RAPGEF4: variants seen among roughly 807,000 people sequenced by gnomAD.
The protein encoded by RAPGEF4 is Rap guanine nucleotide exchange factor 4, also known as RAP guanine-nucleotide-exchange factor (GEF) 4.
A neutral mutation model predicts 147.9 loss-of-function variants in RAPGEF4; 66 were observed. That is an observed-to-expected ratio of 0.45 (90% confidence interval 0.37 to 0.55). The LOEUF (loss-of-function observed/expected upper bound fraction) is 0.55. Ranked by LOEUF, RAPGEF4 falls within the 20% of genes least tolerant of loss-of-function variation. The probability of loss-of-function intolerance (pLI) is 0.00; values close to 1 mark genes in which losing one functional copy is unlikely to be tolerated. For synonymous variants in RAPGEF4, 419 were observed against 442.7 expected, an observed-to-expected ratio of 0.95 and a Z score of 0.67; for missense variants, 1,071 against 1,257.3, an observed-to-expected ratio of 0.85 and a Z score of 2.24.
chr2:173,038,739 C>CATAAA (rs199957774), intron 29 of RAPGEF4, among the ~76,000 whole-genome samples: 8 of 152,002 alleles, frequency 5.3e-5, no homozygotes, highest in East Asian at 3.9e-4. Flanking sequence ...TATCCTGGAA[C>CATAAA]ATAAAATAAA....
chr2:172,941,509 A>T (rs565495003), intron 6 of RAPGEF4, among the ~76,000 whole-genome samples: 1 of 152,228 alleles, frequency 6.6e-6, no homozygotes, highest in Non-Finnish European at 1.5e-5. Flanking sequence ...AGCATAATCC[A>T]TGGAAAGTTC....
intron 29 of RAPGEF4, among the ~76,000 whole-genome samples, chr2:173,040,780 T>C (rs1163676059): frequency 2.0e-5 from 3 of 152,166 alleles, no homozygotes; most frequent in Non-Finnish European, 2.9e-5. Context: ...ACCCTAATCC[T>C]GATGCCAAAA....
intron 4 of RAPGEF4, among the ~76,000 whole-genome samples, chr2:172,860,827 G>A (rs1436310864): frequency 6.6e-6 from 1 of 152,040 alleles, no homozygotes; most frequent in Admixed American, 6.6e-5. Context: ...ATCATAAAGG[G>A]TGTTTTCTAT....
intron 4 of RAPGEF4, among the ~76,000 whole-genome samples, chr2:172,907,932 G>C (rs1018354610): frequency 6.6e-6 from 1 of 152,190 alleles, no homozygotes; most frequent in African/African-American, 2.4e-5. Context: ...AGATGGTGCT[G>C]TTATCCCAGT....
At chr2:172,887,916 C>T (rs1317867394) in intron 4 of RAPGEF4, among the ~76,000 whole-genome samples, 1 of 152,064 alleles carries the variant, frequency 6.6e-6, no homozygotes, top group South Asian at 2.1e-4. Flanking sequence ...TTTTCCTCTT[C>T]TAGGCTCCCA....
intron 27 of RAPGEF4, among the ~76,000 whole-genome samples, chr2:173,035,091 G>A (rs1333466374): frequency 2.0e-5 from 3 of 151,720 alleles, no homozygotes; most frequent in Non-Finnish European, 2.9e-5. Context: ...GTCTCACTCT[G>A]TCACCAAGGC....
chr2:172,843,722 A>AT (rs1691865690), intron 4 of RAPGEF4, among the ~76,000 whole-genome samples: 1 of 55,698 alleles, frequency 1.8e-5, no homozygotes, highest in Non-Finnish European at 3.4e-5. Context: ...TTGCATACAT[A>AT]TTATGTATTT....
chr2:172,842,549 C>T (rs1328568895), intron 4 of RAPGEF4, among the ~76,000 whole-genome samples: 3 of 152,186 alleles, frequency 2.0e-5, no homozygotes, highest in African/African-American at 7.2e-5. Context: ...GCTGGCATCA[C>T]CCAAAGGATC....
rs371638134 is a variant in RAPGEF4, at chr2:172,768,478, A to G, written c.66-26547A>G. 3.3e-5 allele frequency among the ~76,000 whole-genome samples: 5 copies of G among 151,532 alleles called. No homozygotes were observed. In the East Asian group the frequency reaches 9.7e-4, roughly 29 times the overall value. ...ATAGGAAGCTGCACTAGTTTATGGG[A>G]GCCAGTAGAATTTTTGCAACCAAAA... On this transcript the variant is annotated intron_variant, in intron 1 of 30. Transcript: ENST00000397081.
Position 173,036,680 on chromosome 2 carries a change from CTT to C in RAPGEF4, c.2843_2844del (p.Phe948Ter). ...NKTFIDNLVN[F>X]EKMRMIANTA... ...AGACGTTCATTGACAATCTAGTAAACTTTGAAAAAATGGTATGTGCAGTATTA... is the reference window on the plus strand; with the variant it reads ...AGACGTTCATTGACAATCTAGTAAACTGAAAAAATGGTATGTGCAGTATTA... On this transcript the variant is annotated frameshift_variant, in exon 29 of 31. Coordinates refer to ENST00000397081, the MANE Select transcript of RAPGEF4 (RefSeq NM_007023.4). LOFTEE classifies it high-confidence loss of function. The C allele has an allele frequency of 6.2e-7, 1 of 1,608,100 alleles. No homozygotes were observed. Among genetic ancestry groups the C allele is most frequent in the Non-Finnish European group, 8.5e-7 (1 of 1,176,262 alleles).
chr2:173,012,246 T>TA (rs1695098732), intron 17 of RAPGEF4, among the ~76,000 whole-genome samples: 1 of 152,174 alleles, frequency 6.6e-6, no homozygotes, highest in East Asian at 1.9e-4. Flanking sequence ...GCATGGTCCA[T>TA]AGTGGCATCA....
At chr2:173,012,137 A>G (rs958891384) in intron 17 of RAPGEF4, among the ~76,000 whole-genome samples, 3 of 152,206 alleles carry the variant, frequency 2.0e-5, no homozygotes, top group Non-Finnish European at 4.4e-5. Flanking sequence ...TCACAGTACA[A>G]GGCCATCAGA....
intron 4 of RAPGEF4, among the ~76,000 whole-genome samples, chr2:172,820,382 TA>T (rs376679477): frequency 1.3e-5 from 2 of 152,228 alleles, no homozygotes; most frequent in African/African-American, 4.8e-5. Context: ...AATATGTTCT[TA>T]AAAAATTAAA....
At chr2:172,920,595 T>C (rs1684642904) in intron 5 of RAPGEF4, among the ~76,000 whole-genome samples, 1 of 152,186 alleles carries the variant, frequency 6.6e-6, no homozygotes, top group African/African-American at 2.4e-5. Flanking sequence ...AAGGTGAAAT[T>C]CCAAGACTAT....
chr2:172,773,557 T>C (rs1683841558), intron 1 of RAPGEF4, among the ~76,000 whole-genome samples: 1 of 152,014 alleles, frequency 6.6e-6, no homozygotes, highest in Non-Finnish European at 1.5e-5. Flanking sequence ...AGAAACCTTG[T>C]CCTCCTCCCT....
intron 4 of RAPGEF4, among the ~76,000 whole-genome samples, chr2:172,849,716 C>A (rs772993896): frequency 5.9e-5 from 9 of 152,216 alleles, no homozygotes; most frequent in Non-Finnish European, 1.3e-4. Flanking sequence ...CTTGGGAGAC[C>A]TGCTTAGACC....
At chr2:172,949,241 A>G (rs1687979067) in intron 6 of RAPGEF4, among the ~76,000 whole-genome samples, 1 of 152,322 alleles carries the variant, frequency 6.6e-6, no homozygotes, top group South Asian at 2.1e-4. Context: ...TTAATGAACA[A>G]TCTGTATGCA....
chr2:172,797,652 T>G (rs1421768138), intron 3 of RAPGEF4, 39 bp downstream of exon 3: 1 of 1,463,160 alleles, frequency 6.8e-7, no homozygotes, highest in Admixed American at 1.8e-5. Flanking sequence ...GATTTATTTT[T>G]TTTAAAGACT....
At chr2:172,794,324 G>A (rs1235955830) in intron 1 of RAPGEF4, among the ~76,000 whole-genome samples, 4 of 125,294 alleles carry the variant, frequency 3.2e-5, no homozygotes, top group Admixed American at 2.8e-4. Context: ...TCCAGCCTGG[G>A]CAACAAAAGT....
Sources: allele counts gnomAD v4.1 joint callset (sites outside exome capture counted in the v4.1 genomes callset), GRCh38; gene constraint gnomAD v4.1.1; transcripts MANE v1.5; gene names NCBI Gene and HGNC (gene_info 2026-07-23, HGNC 2026-07-21).